Variants in ABCD3 observed in about 807,000 individuals in gnomAD.
The protein encoded by ABCD3 is ATP binding cassette subfamily D member 3.
Under a neutral mutation model 105.5 loss-of-function variants are expected in ABCD3, and 41 were observed. The ratio of observed to expected loss-of-function variants is 0.39; its 90% confidence interval spans 0.30 to 0.50. The LOEUF is 0.50. Among genes scored for constraint, ABCD3 ranks in the 20% least tolerant of loss-of-function variants. The probability of loss-of-function intolerance (pLI) is 0.84; values close to 1 mark genes in which losing one functional copy is unlikely to be tolerated. For synonymous variants in ABCD3, 258 were observed against 269.0 expected (o/e 0.96, Z 0.40); for missense variants, 622 against 806.3 (o/e 0.77, Z 2.77).
At chr1:94,474,234 A>C (rs1052364134) in intron 5 of ABCD3, among the ~76,000 whole-genome samples, 13 of 139,328 alleles carry the variant, frequency 9.3e-5, no homozygotes, top group African/African-American at 3.4e-4. Flanking sequence ...GCAGGGGGCA[A>C]CTTGGGGAGT....
intron 1 of ABCD3, among the ~76,000 whole-genome samples, chr1:94,445,847 C>T (rs987904739): frequency 5.9e-5 from 9 of 152,076 alleles, no homozygotes; most frequent in Non-Finnish European, 8.8e-5. Flanking sequence ...ATGCTAATCC[C>T]GAGTGCCAGG....
chr1:94,438,004 G>T (rs1434783363), intron 1 of ABCD3, among the ~76,000 whole-genome samples: 2 of 152,056 alleles, frequency 1.3e-5, no homozygotes, highest in Non-Finnish European at 2.9e-5. Flanking sequence ...AACTTGAAAG[G>T]ATGGCCAGGT....
At chr1:94,397,636 G>T in the ABCD3 span, among the ~76,000 whole-genome samples, 4 of 152,030 alleles carry the variant, frequency 2.6e-5, no homozygotes, top group Non-Finnish European at 5.9e-5. Flanking sequence ...TTTTTAACCT[G>T]GATCACTTGG....
chr1:94,515,152 A>G lies in ABCD3; in HGVS notation c.1852A>G (p.Ile618Val), dbSNP rs771171703. 1.9e-6 allele frequency: 3 copies of G among 1,609,484 alleles called. No homozygotes were observed. Among genetic ancestry groups the G allele is most frequent in the South Asian group, 2.2e-5 (2 of 90,990 alleles). The change falls in exon 22 of 23, where the codon ATC (isoleucine) becomes GTC (valine). Residue 618 changes from isoleucine to valine, a missense_variant. Physicochemically the swap from Ile to Val is conservative, Grantham distance 29. Around this residue, in one of 4 missense-constraint regions of ABCD3, gnomAD observed 285 missense variants for 352.5 expected, o/e 0.81. Transcript: ENST00000370214. ...ATCATTTTCTTTGTATTAGGTTGGC[A>G]TCACTCTCTTCACTGTGTCTCATAG... ...YIYSHCRKVG[I>V]TLFTVSHRKS...
At chr1:94,444,331 CA>C (rs35583952) in intron 1 of ABCD3, among the ~76,000 whole-genome samples, 1,099 of 93,390 alleles carry the variant, frequency 0.012, 14 homozygotes, top group African/African-American at 0.047. Flanking sequence ...GACTCCATCT[CA>C]AAAAAAAAAA....
intron 16 of ABCD3, among the ~76,000 whole-genome samples, chr1:94,497,272 T>G (rs1226194855): frequency 6.6e-6 from 1 of 152,134 alleles, no homozygotes; most frequent in Non-Finnish European, 1.5e-5. Flanking sequence ...GGTTTTTGGT[T>G]TTTTGTTTTC....
chr1:94,385,954 C>T, the ABCD3 span, among the ~76,000 whole-genome samples: 1 of 151,460 alleles, frequency 6.6e-6, no homozygotes, highest in East Asian at 1.9e-4. Flanking sequence ...ATATTCACTT[C>T]CTTCTCGATA....
At chr1:94,416,599 T>C (rs1459764062), upstream of ABCD3, among the ~76,000 whole-genome samples, 2 of 152,200 alleles carry the variant, frequency 1.3e-5, no homozygotes, top group African/African-American at 4.8e-5. Context: ...ACTCTGGCCC[T>C]CCTGTCTCTC....
chr1:94,394,115 G>T, the ABCD3 span, among the ~76,000 whole-genome samples: 1 of 152,126 alleles, frequency 6.6e-6, no homozygotes, highest in Non-Finnish European at 1.5e-5. Context: ...AAACTTCACT[G>T]GTGTTTCAGA....
the ABCD3 span, among the ~76,000 whole-genome samples, chr1:94,401,740 C>G: frequency 6.6e-6 from 1 of 152,110 alleles, no homozygotes; most frequent in Admixed American, 6.5e-5. Flanking sequence ...CTGAATTTAT[C>G]TTTAAGATCT....
At chr1:94,502,831 A>G (rs1650164545) in intron 20 of ABCD3, among the ~76,000 whole-genome samples, 2 of 152,076 alleles carry the variant, frequency 1.3e-5, no homozygotes, top group Non-Finnish European at 2.9e-5. Context: ...TGTGCAATTC[A>G]GTAGCTGGCC....
the ABCD3 span, among the ~76,000 whole-genome samples, chr1:94,390,362 G>T: frequency 6.6e-6 from 1 of 152,088 alleles, no homozygotes; most frequent in African/African-American, 2.4e-5. Context: ...GAGTATAGTG[G>T]TGTGACCTGG....
intron 3 of ABCD3, among the ~76,000 whole-genome samples, chr1:94,466,329 A>AT (rs1648133872): frequency 6.6e-6 from 1 of 152,108 alleles, no homozygotes; most frequent in South Asian, 2.1e-4. Context: ...CTCCCTTTAC[A>AT]TTCCTACTGT....
chr1:94,455,962 A>G lies in ABCD3; in HGVS notation c.111-2645A>G, dbSNP rs184031087. Among the ~76,000 whole-genome samples, 33 of 152,036 alleles carry G rather than the reference A, an allele frequency of 2.2e-4. No individual in the cohort carries two copies. The East Asian group carries it at 3.3e-3, about 15-fold the overall frequency. On this transcript the variant is annotated intron_variant, in intron 1 of 22. Transcript: ENST00000370214. ...TTTTTTTATTTTTATGTTGATATAC[A>G]TATACATTGTGAAATGATTACTATT...
intron 1 of ABCD3, among the ~76,000 whole-genome samples, chr1:94,436,471 T>C (rs1313026266): frequency 6.6e-6 from 1 of 152,234 alleles, no homozygotes; most frequent in Non-Finnish European, 1.5e-5. Context: ...CTTTCCATTC[T>C]TCCTTATTTT....
At chr1:94,445,685 G>A (rs1393908014) in intron 1 of ABCD3, among the ~76,000 whole-genome samples, 2 of 152,172 alleles carry the variant, frequency 1.3e-5, no homozygotes, top group African/African-American at 2.4e-5. Flanking sequence ...AGTTGCCCCA[G>A]TGACTGTTCG....
intron 20 of ABCD3, among the ~76,000 whole-genome samples, chr1:94,503,787 T>C (rs1650219077): frequency 6.6e-6 from 1 of 151,604 alleles, no homozygotes; most frequent in Non-Finnish European, 1.5e-5. Context: ...ATTAAAACAG[T>C]CTCTGCTTTT....
intron 1 of ABCD3, among the ~76,000 whole-genome samples, chr1:94,431,467 A>G (rs766601104): frequency 6.6e-6 from 1 of 152,222 alleles, no homozygotes; most frequent in African/African-American, 2.4e-5. Context: ...CTCATAGACT[A>G]TTGAAAGAGA....
At chr1:94,461,267 GA>G (rs1206764909) in intron 2 of ABCD3, among the ~76,000 whole-genome samples, 1 of 151,948 alleles carries the variant, frequency 6.6e-6, no homozygotes, top group Admixed American at 6.6e-5. Context: ...TTTTTTGGTA[GA>G]AATTTTTTAT....
Sources: allele counts gnomAD v4.1 joint callset (sites outside exome capture counted in the v4.1 genomes callset), GRCh38; gene constraint gnomAD v4.1.1; regional missense constraint gnomAD v4.1.1; transcripts MANE v1.5; gene names NCBI Gene and HGNC (gene_info 2026-07-23, HGNC 2026-07-21).